PPP2R5E: variants seen among roughly 807,000 people sequenced by gnomAD.
PPP2R5E encodes the protein serine/threonine-protein phosphatase 2A 56 kDa regulatory subunit epsilon isoform.
PPP2R5E carries 4 observed loss-of-function variants against 65.3 expected under a neutral mutation model. The observed-to-expected ratio is 0.06, with a 90% CI of 0.03 to 0.14. PPP2R5E has a LOEUF of 0.14. Among genes scored for constraint, PPP2R5E ranks in the 10% least tolerant of loss-of-function variants. The pLI, the probability that PPP2R5E is intolerant of heterozygous loss-of-function variation, is 1.00. For synonymous variants in PPP2R5E, 183 were observed against 187.4 expected (o/e 0.98, Z 0.19); for missense variants, 274 against 556.1 (o/e 0.49, Z 5.10).
chr14:63,525,766 A>G (rs1396582658), intron 2 of PPP2R5E, among the ~76,000 whole-genome samples: 1 of 152,190 alleles, frequency 6.6e-6, no homozygotes, highest in African/African-American at 2.4e-5. Flanking sequence ...AAAATCCTCA[A>G]TTCAGATTTT....
At chr14:63,486,232 C>T (rs1359512950) in intron 2 of PPP2R5E, among the ~76,000 whole-genome samples, 1 of 151,018 alleles carries the variant, frequency 6.6e-6, no homozygotes. Context: ...CCAATTCCCA[C>T]TTCTCTCCTC....
At chr14:63,454,354 G>A (rs1457034803) in intron 2 of PPP2R5E, among the ~76,000 whole-genome samples, 2 of 152,232 alleles carry the variant, frequency 1.3e-5, no homozygotes, top group East Asian at 1.9e-4. Context: ...CTATTGTTGT[G>A]TGTTTATATT....
At chr14:63,483,722 C>T (rs1206756749) in intron 2 of PPP2R5E, among the ~76,000 whole-genome samples, 1 of 152,126 alleles carries the variant, frequency 6.6e-6, no homozygotes, top group Non-Finnish European at 1.5e-5. Flanking sequence ...GACGTATTGA[C>T]ATTCCCACAA....
At chr14:63,410,714 G>A (rs1441555050) in intron 5 of PPP2R5E, among the ~76,000 whole-genome samples, 1 of 152,116 alleles carries the variant, frequency 6.6e-6, no homozygotes, top group Non-Finnish European at 1.5e-5. Flanking sequence ...GAATGAGCAG[G>A]GTATTCTGGA....
chr14:63,522,665 G>A (rs1208585960), intron 2 of PPP2R5E, among the ~76,000 whole-genome samples: 4 of 145,486 alleles, frequency 2.7e-5, no homozygotes, highest in Non-Finnish European at 6.0e-5. Flanking sequence ...GAGCGTCTCT[G>A]CCCGGCCGCG....
intron 2 of PPP2R5E, among the ~76,000 whole-genome samples, chr14:63,522,055 T>C (rs1892933517): frequency 7.0e-6 from 1 of 142,684 alleles, no homozygotes; most frequent in African/African-American, 2.5e-5. Flanking sequence ...CTGATTCTCC[T>C]GCCTCAGCTT....
At chr14:63,390,971 AC>A (rs1346068623) in intron 10 of PPP2R5E, among the ~76,000 whole-genome samples, 1 of 152,132 alleles carries the variant, frequency 6.6e-6, no homozygotes. Flanking sequence ...GTAGGCCTGA[AC>A]CCCCCAGGGT....
At chr14:63,455,198 T>C (rs1889052079) in intron 2 of PPP2R5E, among the ~76,000 whole-genome samples, 1 of 152,100 alleles carries the variant, frequency 6.6e-6, no homozygotes, top group Admixed American at 6.5e-5. Flanking sequence ...GCCAGCCTCA[T>C]TTTCACAGGA....
At chr14:63,478,997 T>G (rs1237488169) in intron 2 of PPP2R5E, among the ~76,000 whole-genome samples, 1 of 151,958 alleles carries the variant, frequency 6.6e-6, no homozygotes, top group African/African-American at 2.4e-5. Flanking sequence ...GGTATGGTGG[T>G]GGACGCCTGT....
chr14:63,463,520 A>G (rs1466743311), intron 2 of PPP2R5E, among the ~76,000 whole-genome samples: 1 of 152,082 alleles, frequency 6.6e-6, no homozygotes, highest in Non-Finnish European at 1.5e-5. Flanking sequence ...TTAGTTCCTC[A>G]GTTCCCTGAA....
chr14:63,433,858 A>G (rs1442427475), intron 3 of PPP2R5E, among the ~76,000 whole-genome samples: 1 of 152,168 alleles, frequency 6.6e-6, no homozygotes, highest in Non-Finnish European at 1.5e-5. Context: ...GGAGTTGTGC[A>G]TGTGACTTGC....
chr14:63,461,796 A>G (rs1889479431), intron 2 of PPP2R5E, among the ~76,000 whole-genome samples: 1 of 151,902 alleles, frequency 6.6e-6, no homozygotes, highest in Non-Finnish European at 1.5e-5. Context: ...CCTTGTCTCA[A>G]AAAGATATAA....
intron 2 of PPP2R5E, among the ~76,000 whole-genome samples, chr14:63,533,895 C>A (rs1238921392): frequency 1.3e-5 from 2 of 152,068 alleles, no homozygotes; most frequent in Non-Finnish European, 2.9e-5. Context: ...TGCAGTGAGC[C>A]GAGATTGCGC....
intron 4 of PPP2R5E, among the ~76,000 whole-genome samples, chr14:63,416,298 T>C (rs1296453501): frequency 6.6e-6 from 1 of 152,156 alleles, no homozygotes; most frequent in South Asian, 2.1e-4. Context: ...CTCTAAAAAA[T>C]ACATATATAA....
At chr14:63,537,716 A>G (rs941527465) in intron 2 of PPP2R5E, among the ~76,000 whole-genome samples, 2 of 152,288 alleles carry the variant, frequency 1.3e-5, no homozygotes, top group African/African-American at 4.8e-5. Flanking sequence ...TGTTACAGAA[A>G]TAAGTCTGCA....
Position 63,384,480 on chromosome 14 carries a change from G to A in PPP2R5E, c.1166C>T (p.Ser389Phe). ...TTCTTTTGAAATCCTATAAAGGCTG[G>A]AAAACATGATGGGAAGGATGACGTT... is the stretch of plus-strand genomic sequence containing the variant. ...NSNVILPIMF[S>F]SLYRISKEHW... Residue 389 changes from serine (S) to phenylalanine (F), a missense_variant, in exon 12 of 14, where the codon TCC (serine) becomes TTC (phenylalanine). This residue lies in a region of PPP2R5E where 129 missense variants were observed against 254.9 expected (regional missense o/e 0.51). Coordinates refer to ENST00000337537, the MANE Select transcript of PPP2R5E (RefSeq NM_006246.5). 6.2e-7 allele frequency: 1 copy of A among 1,613,792 alleles called. No homozygotes were observed. Among genetic ancestry groups the A allele is most frequent in the South Asian group, 1.1e-5 (1 of 91,074 alleles).
At chr14:63,400,472 G>C (rs979440398) in intron 5 of PPP2R5E, among the ~76,000 whole-genome samples, 2 of 152,150 alleles carry the variant, frequency 1.3e-5, no homozygotes, top group African/African-American at 4.8e-5. Context: ...TTTCCTAGCA[G>C]CCTATCCAAA....
intron 3 of PPP2R5E, among the ~76,000 whole-genome samples, chr14:63,429,914 C>G (rs1887540940): frequency 6.6e-6 from 1 of 152,038 alleles, no homozygotes; most frequent in Admixed American, 6.5e-5. Flanking sequence ...GAACTCCTGA[C>G]CTCAGGCGAT....
intron 10 of PPP2R5E, among the ~76,000 whole-genome samples, chr14:63,390,223 A>G (rs187022684): frequency 3.8e-4 from 58 of 152,220 alleles, no homozygotes; most frequent in Non-Finnish European, 1.9e-4. Context: ...AAAGTTCAAG[A>G]AACACAAATG....
Sources: allele counts gnomAD v4.1 joint callset (sites outside exome capture counted in the v4.1 genomes callset), GRCh38; gene constraint gnomAD v4.1.1; regional missense constraint gnomAD v4.1.1; transcripts MANE v1.5; gene names NCBI Gene and HGNC (gene_info 2026-07-23, HGNC 2026-07-21).